The following CDH22 variants were observed in gnomAD, a reference collection of about 807,000 sequenced individuals.
CDH22 encodes cadherin-22.
CDH22 carries 30 observed loss-of-function variants against 58.4 expected under a neutral mutation model. The observed-to-expected ratio is 0.51, with a 90% CI of 0.38 to 0.70. The LOEUF is 0.70. Ranked by LOEUF, CDH22 falls within the 30% of genes least tolerant of loss-of-function variation. CDH22 has a pLI of 0.00. For synonymous variants in CDH22, 513 were observed against 558.2 expected, an observed-to-expected ratio of 0.92 and a Z score of 1.14; for missense variants, 1,014 against 1,233.9, an observed-to-expected ratio of 0.82 and a Z score of 2.67.
intron 4 of CDH22, 85 bp from the exon 5 acceptor site, chr20:46,217,078 C>T: frequency 1.5e-6 from 2 of 1,327,544 alleles, no homozygotes; most frequent in Non-Finnish European, 2.1e-6. Context: ...GGATTCAGAC[C>T]CTGTGACTCC....
At chr20:46,248,827 C>T (rs989689803) in intron 2 of CDH22, among the ~76,000 whole-genome samples, 1 of 152,148 alleles carries the variant, frequency 6.6e-6, no homozygotes, top group Non-Finnish European at 1.5e-5. Context: ...AAAACAAAAA[C>T]AAAACCAACA....
chr20:46,220,194 T>G (rs2086113707), intron 4 of CDH22, among the ~76,000 whole-genome samples: 2 of 144,528 alleles, frequency 1.4e-5, no homozygotes, highest in African/African-American at 2.6e-5. Flanking sequence ...GAAGGGAAGA[T>G]TGCGGGGGGA....
chr20:46,237,450 G>A (rs1368222243), intron 3 of CDH22, among the ~76,000 whole-genome samples: 1 of 152,146 alleles, frequency 6.6e-6, no homozygotes, highest in Non-Finnish European at 1.5e-5. Flanking sequence ...CTGCTTGTCG[G>A]CCCCGCCCTC....
At chr20:46,272,938 T>C (rs2086499469) in intron 1 of CDH22, among the ~76,000 whole-genome samples, 1 of 152,214 alleles carries the variant, frequency 6.6e-6, no homozygotes, top group Admixed American at 6.5e-5. Context: ...CTAGTGAGCA[T>C]CTGCATATGG....
chr20:46,213,252 G>C lies in CDH22; in HGVS notation c.839-64C>G, dbSNP rs959659718. 2.3e-6 allele frequency: 3 copies of C among 1,317,042 alleles called. No homozygotes were observed. In the Admixed American group the frequency reaches 5.2e-5, roughly 23 times the overall value. 81.6% of individuals were successfully genotyped at this position (1,317,042 alleles called of 1,614,324 possible). A position where few individuals can be genotyped will look rare whatever the true frequency, so the allele number is the denominator to read the frequency against. On this transcript the variant is annotated intron_variant, in intron 5 of 11. Coordinates refer to ENST00000537909, the MANE Select transcript of CDH22 (RefSeq NM_021248.3). ...CCCTTCCCCAGCCTCTGCCAGCAGT[G>C]GGGGAGGGGACAAGGGGGCCCAGGT...
At chr20:46,190,386 G>A (rs1332487203) in intron 8 of CDH22, among the ~76,000 whole-genome samples, 1 of 152,146 alleles carries the variant, frequency 6.6e-6, no homozygotes, top group Non-Finnish European at 1.5e-5. Context: ...TCAGCGCTTG[G>A]TCCTGATACA....
At chr20:46,243,642 T>C (rs186393006) in intron 2 of CDH22, among the ~76,000 whole-genome samples, 57 of 152,344 alleles carry the variant, frequency 3.7e-4, no homozygotes, top group African/African-American at 1.3e-3. Context: ...TCCTGTTTGC[T>C]GTTTATACGT....
intron 1 of CDH22, among the ~76,000 whole-genome samples, chr20:46,275,792 GA>G (rs3092579): frequency 0.33 from 48,291 of 147,028 alleles, 8,629 homozygotes; most frequent in Middle Eastern, 0.51. Flanking sequence ...GACCATAGGT[GA>G]AAAAAAAAAA....
chr20:46,231,334 C>T (rs143231388), intron 3 of CDH22, among the ~76,000 whole-genome samples: 39 of 152,324 alleles, frequency 2.6e-4, no homozygotes, highest in East Asian at 1.5e-3. Context: ...CTTGGCAGCA[C>T]GTTAGAATCT....
intron 8 of CDH22, among the ~76,000 whole-genome samples, chr20:46,187,880 A>G (rs2085837985): frequency 6.6e-6 from 1 of 152,190 alleles, no homozygotes. Context: ...AGGAGAAACT[A>G]AAACGTGGGA....
At chr20:46,227,696 C>A in intron 3 of CDH22, 69 bp from the exon 4 acceptor site, 1 of 1,537,876 alleles carries the variant, frequency 6.5e-7, no homozygotes. Context: ...CACTTCGCCT[C>A]ACCCCAGGGA....
chr20:46,259,628 C>G (rs943254791), intron 1 of CDH22, among the ~76,000 whole-genome samples: 2 of 152,178 alleles, frequency 1.3e-5, no homozygotes, highest in South Asian at 2.1e-4. Flanking sequence ...AGGAAGAGCT[C>G]CTATCTCCTT....
chr20:46,298,637 T>C (rs1031059057), intron 1 of CDH22, among the ~76,000 whole-genome samples: 1 of 151,898 alleles, frequency 6.6e-6, no homozygotes. Context: ...GATTGATGAA[T>C]GGGTGGATGG....
At chr20:46,223,273 C>T (rs1433979532) in intron 4 of CDH22, among the ~76,000 whole-genome samples, 1 of 152,168 alleles carries the variant, frequency 6.6e-6, no homozygotes, top group East Asian at 1.9e-4. Context: ...GTCCTTCCCA[C>T]TCTCATGTCC....
In CDH22 at chr20:46,287,644, G is replaced by C. The variant is rs578073263; in HGVS notation, c.-400+20611C>G. 7.1e-4 allele frequency among the ~76,000 whole-genome samples: 108 copies of C among 152,052 alleles called. 1 individual carries two copies. The highest frequency in any genetic ancestry group is 2.5e-3 in the African/African-American group (103 of 41,442). ...GAGATGAGACAGGAGAAGCAGGCAG[G>C]AGGCCACACCGTGCAGGATCTCGTG... On this transcript the variant is annotated intron_variant, in intron 1 of 11. Coordinates refer to ENST00000537909, the MANE Select transcript of CDH22 (RefSeq NM_021248.3).
chr20:46,284,309 C>T (rs2086566290), intron 1 of CDH22, among the ~76,000 whole-genome samples: 1 of 152,176 alleles, frequency 6.6e-6, no homozygotes, highest in African/African-American at 2.4e-5. Flanking sequence ...CCCAGACCAT[C>T]GTTCTCAGCC....
At chr20:46,274,167 A>G (rs1291623417) in intron 1 of CDH22, among the ~76,000 whole-genome samples, 1 of 152,060 alleles carries the variant, frequency 6.6e-6, no homozygotes, top group African/African-American at 2.4e-5. Context: ...CCTGATGCTG[A>G]TTCTTCTTTA....
In CDH22 at chr20:46,210,475, C is replaced by A; in HGVS notation, c.1118G>T (p.Gly373Val). The change falls in exon 7 of 12, where the codon GGC becomes GTC. Residue 373 changes from glycine to valine, a missense_variant. By Grantham distance (109) the Gly-to-Val change is moderately radical. Around this residue, in one of 2 missense-constraint regions of CDH22, gnomAD observed 806 missense variants for 1,038.7 expected, o/e 0.78. Transcript: ENST00000537909. The surrounding 1 kb of genome is among the most constrained non-coding windows in gnomAD (Gnocchi z 4.5). ...KFVDPRFADLGTFRDQAIVRV... is the reference protein window; with the variant it reads ...KFVDPRFADLVTFRDQAIVRV... ...CACGATCGCCTGGTCGCGGAACGTG[C>A]CCAGGTCGGCGAAGCGGGGGTCCAC... The A allele has an allele frequency of 7.0e-7, 1 of 1,433,584 alleles. No individual in the cohort carries two copies. The highest frequency in any genetic ancestry group is 1.5e-5 in the South Asian group (1 of 64,800). 88.8% of individuals were successfully genotyped at this position (1,433,584 alleles called of 1,614,324 possible).
intron 1 of CDH22, among the ~76,000 whole-genome samples, chr20:46,269,140 T>C (rs1007159665): frequency 2.6e-5 from 4 of 152,242 alleles, no homozygotes; most frequent in African/African-American, 9.6e-5. Context: ...AACTCTCTTC[T>C]GCAAACTGAT....
Sources: allele counts gnomAD v4.1 joint callset (sites outside exome capture counted in the v4.1 genomes callset), GRCh38; gene constraint gnomAD v4.1.1; regional missense constraint gnomAD v4.1.1; non-coding constraint Gnocchi (gnomAD v3.1); transcripts MANE v1.5; gene names NCBI Gene and HGNC (gene_info 2026-07-23, HGNC 2026-07-21).